Variants in CCDC57 observed in about 807,000 individuals in gnomAD.
The protein encoded by CCDC57 is coiled-coil domain containing 57.
Under a neutral mutation model 118.9 loss-of-function variants are expected in CCDC57, and 118 were observed. The observed-to-expected ratio is 0.99, with a 90% CI of 0.86 to 1.16. The LOEUF is 1.16. CCDC57 is among the 50% of genes most tolerant of loss of function. The pLI is 0.00. For missense variants in CCDC57, 1,300 were observed against 1,320.7 expected (o/e 0.98, Z 0.24); for synonymous variants, 527 against 532.9 (o/e 0.99, Z 0.15).
chr17:82,183,069 C>G (rs977493994), intron 9 of CCDC57, among the ~76,000 whole-genome samples: 1 of 152,222 alleles, frequency 6.6e-6, no homozygotes, highest in Admixed American at 6.5e-5. Flanking sequence ...CCAATCACCT[C>G]CCATCAGGGT....
At chr17:82,113,498 T>C in intron 19 of CCDC57, 1 of 717,616 alleles carries the variant, frequency 1.4e-6, no homozygotes, top group Non-Finnish European at 2.6e-6. Context: ...ACTGCAAGGC[T>C]GCTGTGATGG....
At chr17:82,152,105 G>GGAGAATCT (rs2042134177) in intron 15 of CCDC57, 1 of 325,952 alleles carries the variant, frequency 3.1e-6, no homozygotes, top group Non-Finnish European at 5.8e-6. Flanking sequence ...GTGAACACAA[G>GGAGAATCT]GAGAATCTGA....
At chr17:82,146,888 T>TTGC (rs2040821210) in intron 16 of CCDC57, among the ~76,000 whole-genome samples, 1 of 151,502 alleles carries the variant, frequency 6.6e-6, no homozygotes, top group African/African-American at 2.4e-5. Context: ...CAAACAAACG[T>TTGC]GTGTGCACAC....
intron 19 of CCDC57, among the ~76,000 whole-genome samples, chr17:82,124,263 G>A (rs745374877): frequency 1.3e-5 from 2 of 152,118 alleles, no homozygotes; most frequent in South Asian, 2.1e-4. Flanking sequence ...ACCTTGTTCC[G>A]TTCCTGGAAG....
chr17:82,205,490 G>A (rs988326462), intron 2 of CCDC57, among the ~76,000 whole-genome samples: 6 of 152,190 alleles, frequency 3.9e-5, no homozygotes, highest in African/African-American at 9.7e-5. Context: ...CCGAGGACAC[G>A]GCCCAGCCTG....
At chr17:82,205,569 C>A (rs910074377) in intron 2 of CCDC57, among the ~76,000 whole-genome samples, 2 of 152,198 alleles carry the variant, frequency 1.3e-5, no homozygotes, top group African/African-American at 4.8e-5. Flanking sequence ...ACGTGCTACT[C>A]CAGGTCCCCA....
At chr17:82,194,194 C>A in intron 5 of CCDC57, 55 bp from the exon 5 acceptor site, 1 of 1,560,916 alleles carries the variant, frequency 6.4e-7, no homozygotes, top group South Asian at 1.1e-5. Flanking sequence ...GACACTGAGG[C>A]ATTAGGGGTA....
chr17:82,171,913 C>T, intron 12 of CCDC57, 60 bp from the exon 12 acceptor site: 1 of 1,564,412 alleles, frequency 6.4e-7, no homozygotes, highest in East Asian at 2.3e-5. Flanking sequence ...CACCTCCCTC[C>T]TGTGAGCACC....
At position 82,118,457 on chromosome 17, in the gene CCDC57, A is replaced by G. The variant is rs2145061158; in HGVS notation, c.2899+9235T>C. Among the ~76,000 whole-genome samples, 1 of 152,298 alleles carries G rather than the reference A, an allele frequency of 6.6e-6. No homozygotes were observed. The highest frequency in any genetic ancestry group is 3.4e-3 in the Middle Eastern group (1 of 294). On this transcript the variant is annotated intron_variant, in intron 19 of 19. Transcript: ENST00000665763. This position sits in a 1 kb window ranked among gnomAD's most constrained non-coding sequence, Gnocchi z 4.7. ...GTTTGGAACATCCTTTGCCCCAGCG[A>G]GGTGCGAGGTGCTCCGGAACTTGCG...
exon 19 of CCDC57, chr17:82,127,712 G>T: frequency 6.2e-7 from 1 of 1,608,328 alleles, no homozygotes; most frequent in East Asian, 2.2e-5. Context: ...GTCACCCTGG[G>T]AGGTGACACC....
At chr17:82,153,571 GC>G (rs2042322462) in intron 15 of CCDC57, 1 of 152,206 alleles carries the variant, frequency 6.6e-6, no homozygotes, top group Non-Finnish European at 1.5e-5. Context: ...GACCTGGGGG[GC>G]AGGGAGTGAA....
At chr17:82,193,277 C>T (rs1368076028) in intron 7 of CCDC57, among the ~76,000 whole-genome samples, 1 of 152,060 alleles carries the variant, frequency 6.6e-6, no homozygotes, top group Non-Finnish European at 1.5e-5. Flanking sequence ...GGTGTGGCGG[C>T]TCATGCCTAT....
chr17:82,187,206 C>T (rs2047033029), intron 8 of CCDC57, among the ~76,000 whole-genome samples: 1 of 137,940 alleles, frequency 7.2e-6, no homozygotes, highest in Non-Finnish European at 1.5e-5. Context: ...CACTGCACTC[C>T]AGCCTCGGTA....
chr17:82,184,027 G>GCA (rs759711817), intron 8 of CCDC57, 95 bp from the exon 8 acceptor site: 4,635 of 326,176 alleles, frequency 0.014, 61 homozygotes, highest in African/African-American at 0.023. Flanking sequence ...GCGCGCGCGC[G>GCA]CGCGCACACA....
intron 16 of CCDC57, among the ~76,000 whole-genome samples, chr17:82,139,099 C>T (rs554992339): frequency 6.6e-6 from 1 of 152,326 alleles, no homozygotes; most frequent in East Asian, 1.9e-4. Context: ...TAAATAATTT[C>T]CTCTGTAAAA....
intron 1 of CCDC57, among the ~76,000 whole-genome samples, chr17:82,210,464 C>T (rs1045525202): frequency 4.0e-5 from 6 of 149,794 alleles, no homozygotes; most frequent in African/African-American, 1.2e-4. Flanking sequence ...TTGGGGTCAG[C>T]AGTTCGAGAC....
rs1482725209 is a variant in CCDC57, at chr17:82,172,642, A to G, written c.1725T>C (p.Thr575=). The G allele has an allele frequency of 3.2e-6, 5 of 1,549,816 alleles. No homozygotes were observed. The highest frequency in any genetic ancestry group is 4.4e-6 in the Non-Finnish European group (5 of 1,147,006). Residue 575 remains threonine, a synonymous_variant, in exon 12 of 20, where the codon ACT becomes ACC. Transcript: ENST00000665763. This position sits in a 1 kb window ranked among gnomAD's most constrained non-coding sequence, Gnocchi z 5.2. ...CCGTTTCTCCCACTTACTCACCAGG[A>G]GTGGCGGCATCTCCCCCAGCCTCTG... is the stretch of plus-strand genomic sequence containing the variant.
At chr17:82,199,642 A>C (rs554257895) in intron 3 of CCDC57, among the ~76,000 whole-genome samples, 45 of 152,306 alleles carry the variant, frequency 3.0e-4, no homozygotes, top group African/African-American at 1.1e-3. Flanking sequence ...AGCTATGAGA[A>C]AGTCAGCACC....
chr17:82,127,010 C>G lies in CCDC57; in HGVS notation c.2899+682G>C, dbSNP rs146960942. On this transcript the variant is annotated intron_variant, in intron 19 of 19. Transcript: ENST00000665763. ...CGAAGCAGCATCTGTTTCCCTCCCC[C>G]CTTCTCGCTACATCACAGACCCATG... 5.2e-4 allele frequency: 512 copies of G among 985,422 alleles called. 5 individuals are homozygous for G. The African/African-American group carries it at 6.2e-3, about 12-fold the overall frequency. 61.0% of individuals were successfully genotyped at this position (985,422 alleles called of 1,614,324 possible).
Sources: allele counts gnomAD v4.1 joint callset (sites outside exome capture counted in the v4.1 genomes callset), GRCh38; gene constraint gnomAD v4.1.1; non-coding constraint Gnocchi (gnomAD v3.1); transcripts MANE v1.5; gene names NCBI Gene and HGNC (gene_info 2026-07-23, HGNC 2026-07-21).